Variants in KIAA1549L observed in about 807,000 individuals in gnomAD.
KIAA1549L encodes the protein KIAA1549 like.
In KIAA1549L, 88 loss-of-function variants were observed where a neutral mutation model predicts 160.7. The ratio of observed to expected loss-of-function variants is 0.55; its 90% CI spans 0.46 to 0.65. The LOEUF (loss-of-function observed/expected upper bound fraction) is 0.65. Ranked by LOEUF, KIAA1549L falls within the 30% of genes least tolerant of loss-of-function variation. KIAA1549L has a pLI of 0.00. For synonymous variants in KIAA1549L, 950 were observed against 976.7 expected (o/e 0.97, Z 0.51); for missense variants, 2,258 against 2,437.5 (o/e 0.93, Z 1.55).
chr11:33,519,089 G>A (rs1489484913), intron 1 of KIAA1549L, among the ~76,000 whole-genome samples: 4 of 152,124 alleles, frequency 2.6e-5, no homozygotes, highest in Admixed American at 6.5e-5. Flanking sequence ...ATCTTAAATA[G>A]ACTGGATGTT....
chr11:33,405,854 A>G (rs1215125949), intron 1 of KIAA1549L, among the ~76,000 whole-genome samples: 1 of 151,614 alleles, frequency 6.6e-6, no homozygotes, highest in East Asian at 1.9e-4. Flanking sequence ...AAAAAAAAAA[A>G]AAAAAAAAAG....
intron 18 of KIAA1549L, among the ~76,000 whole-genome samples, chr11:33,657,266 G>A (rs1000472211): frequency 6.6e-6 from 1 of 152,104 alleles, no homozygotes; most frequent in Non-Finnish European, 1.5e-5. Flanking sequence ...GTCCTGGATT[G>A]GAGGGGCCTC....
rs1854086431 is a variant in KIAA1549L, at chr11:33,543,079, A to T, written c.1516A>T (p.Thr506Ser). The change falls in exon 2 of 21, where the codon ACT (threonine) becomes TCT (serine). Residue 506 changes from threonine (T) to serine (S), a missense_variant. By Grantham distance (58) the Thr-to-Ser change is moderately conservative. Coordinates refer to ENST00000658780, the MANE Select transcript of KIAA1549L (RefSeq NM_012194.3). ...TGTADFPSILTFLQPTENHAS... is the reference protein window; with the variant it reads ...TGTADFPSILSFLQPTENHAS... ...GACAGCCGACTTTCCCTCCATACTT[A>T]CTTTCCTCCAGCCCACAGAGAATCA... is the stretch of plus-strand genomic sequence containing the variant. The T allele has an allele frequency of 6.2e-7, 1 of 1,613,778 alleles. No homozygotes were observed. The highest frequency in any genetic ancestry group is 2.2e-5 in the East Asian group (1 of 44,854).
Position 33,416,821 on chromosome 11 carries a change from C to T in KIAA1549L, c.238+39932C>T, listed in dbSNP as rs117834107. On this transcript the variant is annotated intron_variant, in intron 1 of 20. Coordinates refer to ENST00000658780, the MANE Select transcript of KIAA1549L (RefSeq NM_012194.3). ...CACATGCCTATGGCTGGTAGGACTC[C>T]GTGATTTTCAGTATATTTTGGTTTT... 6.8e-3 allele frequency among the ~76,000 whole-genome samples: 1,028 copies of T among 152,244 alleles called. 8 individuals carry two copies. Among genetic ancestry groups the T allele is most frequent in the Non-Finnish European group, 0.012 (804 of 68,020 alleles).
At chr11:33,534,574 T>TA (rs1853850794) in intron 1 of KIAA1549L, among the ~76,000 whole-genome samples, 1 of 151,486 alleles carries the variant, frequency 6.6e-6, no homozygotes, top group South Asian at 2.1e-4. Flanking sequence ...CTTAGTATTT[T>TA]TTTTCTTGAA....
chr11:33,399,139 G>C (rs1850447375), intron 1 of KIAA1549L, among the ~76,000 whole-genome samples: 1 of 152,086 alleles, frequency 6.6e-6, no homozygotes, highest in Non-Finnish European at 1.5e-5. Context: ...TTTTAGTAGA[G>C]ACAGGGTTTC....
At chr11:33,625,137 T>C (rs1302829088) in intron 16 of KIAA1549L, among the ~76,000 whole-genome samples, 1 of 151,590 alleles carries the variant, frequency 6.6e-6, no homozygotes, top group Non-Finnish European at 1.5e-5. Context: ...ATGTGCCACA[T>C]TTTCTTAATC....
chr11:33,402,939 G>A (rs1850532262), intron 1 of KIAA1549L, among the ~76,000 whole-genome samples: 1 of 152,054 alleles, frequency 6.6e-6, no homozygotes, highest in Non-Finnish European at 1.5e-5. Context: ...CTTTCTTGGA[G>A]TACCTCTAAT....
chr11:33,468,895 A>G (rs369552272), intron 1 of KIAA1549L, among the ~76,000 whole-genome samples: 1 of 152,314 alleles, frequency 6.6e-6, no homozygotes, highest in South Asian at 2.1e-4. Flanking sequence ...AATAGTTTCA[A>G]AAATGTCCCC....
At chr11:33,636,580 C>G (rs558282645) in intron 16 of KIAA1549L, among the ~76,000 whole-genome samples, 6 of 152,156 alleles carry the variant, frequency 3.9e-5, no homozygotes, top group African/African-American at 1.4e-4. Flanking sequence ...ATCCACCAGC[C>G]TCGACCTCCC....
In KIAA1549L at chr11:33,545,249, C is replaced by T. The variant is rs373566420; in HGVS notation, c.3256C>T (p.Arg1086Trp). The change falls in exon 3 of 21, where the codon CGG (arginine) becomes TGG (tryptophan). Residue 1086 changes from arginine (R) to tryptophan (W), a missense_variant. By Grantham distance (101) the Arg-to-Trp change is moderately radical. Transcript: ENST00000658780. ...CATTACAGCCTCAGTGAAGGCCACC[C>T]GGTTGCCACCATTGCGAGCAGAAAA... is the stretch of plus-strand genomic sequence containing the variant. Reference protein sequence around the residue: ...TSITASVKATRLPPLRAENTD... With the variant: ...TSITASVKATWLPPLRAENTD... The T allele has an allele frequency of 1.2e-5, 20 of 1,613,908 alleles. No individual in the cohort carries two copies. The highest frequency in any genetic ancestry group is 3.3e-5 in the South Asian group (3 of 91,088).
chr11:33,517,464 T>C (rs986424916), intron 1 of KIAA1549L, among the ~76,000 whole-genome samples: 8 of 152,190 alleles, frequency 5.3e-5, no homozygotes, highest in African/African-American at 1.9e-4. Flanking sequence ...TAGAGTTGGC[T>C]TTCTAGTAAA....
intron 1 of KIAA1549L, among the ~76,000 whole-genome samples, chr11:33,522,369 GAATT>G (rs1853516422): frequency 6.6e-6 from 1 of 152,166 alleles, no homozygotes; most frequent in Non-Finnish European, 1.5e-5. Flanking sequence ...ATGGAATTAA[GAATT>G]AATAATAGTA....
chr11:33,517,437 C>T (rs1447977690), intron 1 of KIAA1549L, among the ~76,000 whole-genome samples: 1 of 152,122 alleles, frequency 6.6e-6, no homozygotes, highest in Non-Finnish European at 1.5e-5. Context: ...TATCCATATC[C>T]TGAGTGCATA....
chr11:33,636,297 G>C (rs1186550746), intron 16 of KIAA1549L, among the ~76,000 whole-genome samples: 1 of 147,626 alleles, frequency 6.8e-6, no homozygotes, highest in Non-Finnish European at 1.5e-5. Context: ...AGTAAGGAAA[G>C]AAAAAAAATT....
At chr11:33,460,318 G>T (rs12787358) in intron 1 of KIAA1549L, among the ~76,000 whole-genome samples, 54,789 of 151,986 alleles carry the variant, frequency 0.36, 11,661 homozygotes, top group South Asian at 0.46. Context: ...CAGGAGAGGT[G>T]GGTGAGCATA....
Position 33,505,355 on chromosome 11 carries a change from A to G in KIAA1549L, c.239-36447A>G, listed in dbSNP as rs1028353104. Among the ~76,000 whole-genome samples the G allele has an allele frequency of 2.0e-5, 3 of 152,186 alleles. No individual in the cohort carries two copies. In the East Asian group the frequency reaches 5.8e-4, roughly 29 times the overall value. On this transcript the variant is annotated intron_variant, in intron 1 of 20. Transcript: ENST00000658780. Reference sequence around the variant, plus strand: ...CTCTTATCTGTGCTTTTAGTCAATGATGATTGAAAACTTTGCAGTAGTAAG... The same window carrying G: ...CTCTTATCTGTGCTTTTAGTCAATGGTGATTGAAAACTTTGCAGTAGTAAG...
Position 33,634,804 on chromosome 11 carries a change from A to G in KIAA1549L, c.5410-10882A>G, listed in dbSNP as rs192179912. Among the ~76,000 whole-genome samples the G allele has an allele frequency of 1.4e-3, 220 of 152,254 alleles. 1 individual carries two copies. The highest frequency in any genetic ancestry group is 1.2e-3 in the East Asian group (6 of 5,160). On this transcript the variant is annotated intron_variant, in intron 16 of 20. Transcript: ENST00000658780. ...GATGTCCCTATTTCCTTAGAAGTCT[A>G]TGAGAGACCCTTTATATGTCTTTTC...
At chr11:33,421,353 C>T (rs999406365) in intron 1 of KIAA1549L, among the ~76,000 whole-genome samples, 3 of 152,174 alleles carry the variant, frequency 2.0e-5, no homozygotes, top group Non-Finnish European at 2.9e-5. Flanking sequence ...AAGATGGTGT[C>T]CCATGACAGG....
Sources: gnomAD v4.1 joint callset for allele counts (sites outside exome capture counted in the v4.1 genomes callset) on GRCh38, gnomAD v4.1.1 for gene constraint, MANE v1.5 for transcripts, NCBI Gene and HGNC (gene_info 2026-07-23, HGNC 2026-07-21) for gene names.